RFTN1: variants seen among roughly 807,000 people sequenced by gnomAD.
The protein encoded by RFTN1 is raftlin.
RFTN1 carries 26 observed loss-of-function variants against 46.5 expected under a neutral mutation model. The observed-to-expected ratio is 0.56, with a 90% CI of 0.41 to 0.78. The LOEUF (loss-of-function observed/expected upper bound fraction) is 0.78. Among genes scored for constraint, RFTN1 ranks in the 30% least tolerant of loss-of-function variants. RFTN1 has a pLI of 0.00. For synonymous variants in RFTN1, 261 were observed against 284.2 expected, an observed-to-expected ratio of 0.92 and a Z score of 0.82; for missense variants, 693 against 718.7, an observed-to-expected ratio of 0.96 and a Z score of 0.41.
At chr3:16,366,405 G>T (rs1032455389) in intron 6 of RFTN1, among the ~76,000 whole-genome samples, 1 of 152,056 alleles carries the variant, frequency 6.6e-6, no homozygotes, top group South Asian at 2.1e-4. Flanking sequence ...CTCACTGGCC[G>T]ACATGTTCCT....
At chr3:16,467,273 A>C (rs1332508109) in intron 2 of RFTN1, among the ~76,000 whole-genome samples, 1 of 152,224 alleles carries the variant, frequency 6.6e-6, no homozygotes, top group African/African-American at 2.4e-5. Context: ...AATAAACCAC[A>C]GTGCCTTGGT....
chr3:16,394,460 T>A (rs1380334254), intron 4 of RFTN1, among the ~76,000 whole-genome samples: 1 of 152,110 alleles, frequency 6.6e-6, no homozygotes, highest in African/African-American at 2.4e-5. Context: ...CATAAATGAA[T>A]CTCACAGACA....
At chr3:16,323,506 C>T (rs1311384933) in intron 8 of RFTN1, 49 bp from the exon 9 acceptor site, 1 of 1,354,184 alleles carries the variant, frequency 7.4e-7, no homozygotes, top group East Asian at 2.3e-5. Context: ...TTAGAGGAAC[C>T]CAAAACCTGA....
At chr3:16,404,274 TAA>T (rs1245812866) in intron 4 of RFTN1, among the ~76,000 whole-genome samples, 1 of 17,368 alleles carries the variant, frequency 5.8e-5, no homozygotes, top group Non-Finnish European at 9.1e-5. Flanking sequence ...ATAATATATA[TAA>T]TATGTAATAT....
chr3:16,467,160 C>A (rs139282262), intron 2 of RFTN1, among the ~76,000 whole-genome samples: 3 of 152,220 alleles, frequency 2.0e-5, no homozygotes, highest in African/African-American at 7.2e-5. Flanking sequence ...AAGGCCTGAG[C>A]CTGGGAACCA....
Position 16,322,693 on chromosome 3 carries a change from G to A in RFTN1, c.1332+683C>T, listed in dbSNP as rs568450032. On this transcript the variant is annotated intron_variant, in intron 9 of 9. Coordinates refer to ENST00000334133, the MANE Select transcript of RFTN1 (RefSeq NM_015150.2). This position sits in a 1 kb window ranked among gnomAD's most constrained non-coding sequence, Gnocchi z 6.2. ...CAAGGGTTGCCGACACTTGCACCTC[G>A]TACAGCCCTTGTGCTCAACCTTCAG... is the stretch of plus-strand genomic sequence containing the variant. 1.1e-3 allele frequency among the ~76,000 whole-genome samples: 164 copies of A among 152,288 alleles called. No homozygotes were observed. The highest frequency in any genetic ancestry group is 2.0e-3 in the Non-Finnish European group (134 of 68,028).
At chr3:16,403,661 TTTATGTATATA>T (rs2074673628) in intron 4 of RFTN1, among the ~76,000 whole-genome samples, 6 of 35,624 alleles carry the variant, frequency 1.7e-4, no homozygotes, top group African/African-American at 6.9e-4. Context: ...TAATATATAT[TTTATGTATATA>T]ATATATAATA....
At position 16,400,575 on chromosome 3, in the gene RFTN1, T is replaced by C. The variant is rs191916805; in HGVS notation, c.441+8800A>G. On this transcript the variant is annotated intron_variant, in intron 4 of 9. Transcript: ENST00000334133. This position sits in a 1 kb window ranked among gnomAD's most constrained non-coding sequence, Gnocchi z 4.5. ...ACCAGCAAAGATCTGTTCAAAGAAA[T>C]GTGAACGAAACCTGACCCACTGATG... Among the ~76,000 whole-genome samples the C allele has an allele frequency of 1.1e-3, 169 of 152,332 alleles. No individual in the cohort carries two copies. Among genetic ancestry groups the C allele is most frequent in the African/African-American group, 3.9e-3 (163 of 41,566 alleles).
chr3:16,506,584 C>T lies in RFTN1; in HGVS notation c.-9+6858G>A, dbSNP rs866531582. Reference sequence around the variant, plus strand: ...GAGCAAAAGAGGGCATCCAAGACACCTCTAGGGTTGGTCACCAGCACCTGC... The same window carrying T: ...GAGCAAAAGAGGGCATCCAAGACACTTCTAGGGTTGGTCACCAGCACCTGC... On this transcript the variant is annotated intron_variant, in intron 1 of 9. Coordinates refer to ENST00000334133, the MANE Select transcript of RFTN1 (RefSeq NM_015150.2). The surrounding 1 kb of genome is among the most constrained non-coding windows in gnomAD (Gnocchi z 4.8). Among the ~76,000 whole-genome samples, 5 of 152,120 alleles carry T rather than the reference C, an allele frequency of 3.3e-5. No individual in the cohort carries two copies. Among genetic ancestry groups the T allele is most frequent in the African/African-American group, 1.2e-4 (5 of 41,496 alleles).
intron 4 of RFTN1, among the ~76,000 whole-genome samples, chr3:16,393,057 A>T (rs1445126403): frequency 2.3e-5 from 2 of 86,992 alleles, no homozygotes; most frequent in Non-Finnish European, 4.3e-5. Context: ...TGAGCTCAGC[A>T]TCAAACAAAC....
intron 5 of RFTN1, among the ~76,000 whole-genome samples, chr3:16,373,127 G>A (rs2073596184): frequency 1.3e-5 from 2 of 152,340 alleles, no homozygotes; most frequent in South Asian, 4.1e-4. Flanking sequence ...TTTCTCAGCT[G>A]CTCTGTGACT....
At chr3:16,399,992 C>T (rs1377292997) in intron 4 of RFTN1, among the ~76,000 whole-genome samples, 2 of 152,196 alleles carry the variant, frequency 1.3e-5, no homozygotes, top group Non-Finnish European at 2.9e-5. Flanking sequence ...GGGTCCTAAC[C>T]ACACCCACTC....
chr3:16,389,359 T>C (rs2074292051), intron 4 of RFTN1, among the ~76,000 whole-genome samples: 1 of 152,240 alleles, frequency 6.6e-6, no homozygotes, highest in South Asian at 2.1e-4. Flanking sequence ...AAAATGAATG[T>C]TTTATTGTTC....
At chr3:16,339,748 A>C (rs2071184891) in intron 7 of RFTN1, 1 of 152,228 alleles carries the variant, frequency 6.6e-6, no homozygotes, top group South Asian at 2.1e-4. Flanking sequence ...CTGCCCCTGC[A>C]CTAGAACACA....
rs371101800 is a variant in RFTN1 at position 16,317,211 on chromosome 3, C to T, written c.1354G>A (p.Glu452Lys). 1.2e-6 allele frequency: 2 copies of T among 1,612,862 alleles called. No homozygotes were observed. Among genetic ancestry groups the T allele is most frequent in the African/African-American group, 2.7e-5 (2 of 74,794 alleles). Residue 452 changes from glutamate to lysine, a missense_variant, in exon 10 of 10, where the codon GAA (glutamate) becomes AAA (lysine). Transcript: ENST00000334133. The surrounding 1 kb of genome is among the most constrained non-coding windows in gnomAD (Gnocchi z 4.3). The part of the protein sequence containing the change: ...ESKFQWRFSR[E>K]EMHNRQMRKS... ...CTCATCTGCCTGTTGTGCATTTCTT[C>T]TCTGGAGAATCGCCACTGAAACTAG...
At chr3:16,389,655 T>A (rs181582250) in intron 4 of RFTN1, among the ~76,000 whole-genome samples, 1 of 152,246 alleles carries the variant, frequency 6.6e-6, no homozygotes, top group Admixed American at 6.5e-5. Flanking sequence ...TCTCTCCTAG[T>A]AGAAGAATGA....
In RFTN1 at chr3:16,446,311, G is replaced by C. The variant is rs993371129; in HGVS notation, c.146-12274C>G. 3.3e-5 allele frequency among the ~76,000 whole-genome samples: 5 copies of C among 151,902 alleles called. No individual in the cohort carries two copies. The highest frequency in any genetic ancestry group is 1.3e-4 in the Admixed American group (2 of 15,242). ...AACCTTTAAAAAAAAAAAAACTGTGGTAAAATATGCCTAACATCAAATTTA... is the reference window on the plus strand; with the variant it reads ...AACCTTTAAAAAAAAAAAAACTGTGCTAAAATATGCCTAACATCAAATTTA... On this transcript the variant is annotated intron_variant, in intron 2 of 9. Transcript: ENST00000334133. This position sits in a 1 kb window ranked among gnomAD's most constrained non-coding sequence, Gnocchi z 4.5.
intron 1 of RFTN1, among the ~76,000 whole-genome samples, chr3:16,501,388 C>G (rs1272999013): frequency 6.6e-6 from 1 of 152,136 alleles, no homozygotes; most frequent in Non-Finnish European, 1.5e-5. Flanking sequence ...GTAGAAAAGG[C>G]TTAGTTTAAA....
chr3:16,351,624 C>T lies in RFTN1; in HGVS notation c.1146+6308G>A, dbSNP rs2072108627. On this transcript the variant is annotated intron_variant, in intron 7 of 9. Transcript: ENST00000334133. The surrounding 1 kb of genome is among the most constrained non-coding windows in gnomAD (Gnocchi z 5.4). ...GTCAAGTCCTCGCAGGTAGCAGCTG[C>T]TTTCTAGGATGCTCATGCCCTTCTG... Among the ~76,000 whole-genome samples, 1 of 152,190 alleles carries T rather than the reference C, an allele frequency of 6.6e-6. No homozygotes were observed. The highest frequency in any genetic ancestry group is 6.5e-5 in the Admixed American group (1 of 15,282).
Sources: allele counts gnomAD v4.1 joint callset (sites outside exome capture counted in the v4.1 genomes callset), GRCh38; gene constraint gnomAD v4.1.1; non-coding constraint Gnocchi (gnomAD v3.1); transcripts MANE v1.5; gene names NCBI Gene and HGNC (gene_info 2026-07-23, HGNC 2026-07-21).